Variants in GATA4 observed in about 807,000 individuals in gnomAD.
The protein encoded by GATA4 is GATA binding protein 4.
In GATA4, 7 loss-of-function variants were observed where a neutral mutation model predicts 37.9. That is an observed-to-expected ratio of 0.18 (90% CI 0.11 to 0.35). The LOEUF is 0.35. Among genes scored for constraint, GATA4 ranks in the 10% least tolerant of loss-of-function variants. The pLI, the probability that GATA4 is intolerant of heterozygous loss-of-function variation, is 1.00. For missense variants in GATA4, 647 were observed against 653.0 expected (o/e 0.99, Z 0.10); for synonymous variants, 372 against 292.6 (o/e 1.27, Z -2.77).
chr8:11,730,314 C>G lies in GATA4; in HGVS notation c.617-18602C>G, dbSNP rs192650657. 7.2e-5 allele frequency among the ~76,000 whole-genome samples: 11 copies of G among 152,304 alleles called. No homozygotes were observed. In the East Asian group the frequency reaches 2.1e-3, roughly 29 times the overall value. On this transcript the variant is annotated intron_variant, in intron 2 of 6. Coordinates refer to ENST00000532059, the MANE Select transcript of GATA4 (RefSeq NM_001308093.3). ...TCTCAGAGGAGCCAAGTGGGCTTGC[C>G]TAGGCTTTCGATTCTTGTGAAGATG...
chr8:11,739,767 GGA>G (rs1449816222), intron 2 of GATA4, among the ~76,000 whole-genome samples: 1 of 23,522 alleles, frequency 4.3e-5, no homozygotes, highest in Non-Finnish European at 9.3e-5. Context: ...TGTCGTGTGC[GGA>G]GGAGTTTCTG....
upstream of GATA4, among the ~76,000 whole-genome samples, chr8:11,689,644 T>C (rs1799249315): frequency 6.6e-6 from 1 of 152,178 alleles, no homozygotes; most frequent in Non-Finnish European, 1.5e-5. Flanking sequence ...ACTGCGGTTT[T>C]GAATGTCTAT....
chr8:11,709,607 C>A lies in GATA4; in HGVS notation c.616+679C>A, dbSNP rs1454262344. ...GGGGGCGCACACGCCCGGTCAGTGTCCGGGAACATAGGGACCTCAAACGCG... is the reference window on the plus strand; with the variant it reads ...GGGGGCGCACACGCCCGGTCAGTGTACGGGAACATAGGGACCTCAAACGCG... On this transcript the variant is annotated intron_variant, in intron 2 of 6. Coordinates refer to ENST00000532059, the MANE Select transcript of GATA4 (RefSeq NM_001308093.3). This position sits in a 1 kb window ranked among gnomAD's most constrained non-coding sequence, Gnocchi z 4.3. Among the ~76,000 whole-genome samples, 1 of 149,528 alleles carries A rather than the reference C, an allele frequency of 6.7e-6. No individual in the cohort carries two copies. Among genetic ancestry groups the A allele is most frequent in the Non-Finnish European group, 1.5e-5 (1 of 67,638 alleles).
At chr8:11,745,608 A>G (rs1801992131) in intron 2 of GATA4, among the ~76,000 whole-genome samples, 1 of 151,512 alleles carries the variant, frequency 6.6e-6, no homozygotes, top group African/African-American at 2.4e-5. Context: ...TCTTTACATC[A>G]GTGTAGTGTG....
Position 11,757,079 on chromosome 8 carries a change from C to A in GATA4, c.1145C>A (p.Ser382Tyr), listed in dbSNP as rs778006606. ...CACTACGGGCACAGCAGCTCCGTGT[C>A]CCAGGTACGCGCCATGGCTGGGGCG... ...SSHYGHSSSVSQTFSVSAMSG... is the reference protein window; with the variant it reads ...SSHYGHSSSVYQTFSVSAMSG... The change falls in exon 6 of 7, where the codon TCC (serine) becomes TAC (tyrosine). Residue 382 changes from serine to tyrosine, a missense_variant. Physicochemically the swap from Ser to Tyr is moderately radical, Grantham distance 144. This residue lies in a region of GATA4 where 184 missense variants were observed against 157.1 expected (regional missense o/e 1.17). Transcript: ENST00000532059. The A allele has an allele frequency of 1.9e-6, 3 of 1,613,970 alleles. No individual in the cohort carries two copies. The highest frequency in any genetic ancestry group is 2.5e-6 in the Non-Finnish European group (3 of 1,179,876).
upstream of GATA4, among the ~76,000 whole-genome samples, chr8:11,689,109 A>G (rs1431958963): frequency 1.3e-5 from 2 of 152,192 alleles, no homozygotes; most frequent in Non-Finnish European, 2.9e-5. Flanking sequence ...CCAGACAAGA[A>G]GCTGCAAGAC....
At chr8:11,694,838 C>T (rs531214191) in intron 1 of GATA4, among the ~76,000 whole-genome samples, 1 of 152,106 alleles carries the variant, frequency 6.6e-6, no homozygotes, top group Non-Finnish European at 1.5e-5. Flanking sequence ...AACAATCTCT[C>T]TCCTCTCTCT....
Position 11,698,796 on chromosome 8 carries a change from C to T in GATA4, c.-728-1712C>T, listed in dbSNP as rs549730447. ...TCCCTTCTTCCTGCAGTCCCCAGGACCTGGGGACCCCGGGGTGTCCTTAGG... is the reference window on the plus strand; with the variant it reads ...TCCCTTCTTCCTGCAGTCCCCAGGATCTGGGGACCCCGGGGTGTCCTTAGG... On this transcript the variant is annotated intron_variant, in intron 1 of 2. Transcript: ENST00000526974. Among the ~76,000 whole-genome samples, 4 of 152,260 alleles carry T rather than the reference C, an allele frequency of 2.6e-5. No homozygotes were observed. The South Asian group carries it at 8.3e-4, about 32-fold the overall frequency.
chr8:11,750,036 C>T (rs918360889), intron 3 of GATA4, 75 bp from the exon 4 acceptor site: 20 of 1,608,532 alleles, frequency 1.2e-5, no homozygotes, highest in East Asian at 6.7e-5. Flanking sequence ...GGCCCAGCTC[C>T]GCAGCCACAC....
rs563686743 is a variant in GATA4 at position 11,694,837 on chromosome 8, T to C, written c.-729+2177T>C. On this transcript the variant is annotated intron_variant, in intron 1 of 2. Coordinates refer to the GATA4 transcript ENST00000526974. ...TCTGGGAAGAGGTAGAAACAATCTCTCTCCTCTCTCTCTCTCTGTCTCTCT... is the reference window on the plus strand; with the variant it reads ...TCTGGGAAGAGGTAGAAACAATCTCCCTCCTCTCTCTCTCTCTGTCTCTCT... Among the ~76,000 whole-genome samples, 7 of 152,224 alleles carry C rather than the reference T, an allele frequency of 4.6e-5. No homozygotes were observed. In the East Asian group the frequency reaches 1.4e-3, roughly 29 times the overall value.
chr8:11,681,336 C>G (rs535111788), intron 1 of GATA4: 1 of 985,420 alleles, frequency 1.0e-6, no homozygotes, highest in Non-Finnish European at 1.2e-6. Flanking sequence ...TGCGCCCCAA[C>G]CCATCAAATT....
intron 2 of GATA4, among the ~76,000 whole-genome samples, chr8:11,722,607 A>G (rs905466037): frequency 5.9e-5 from 9 of 152,174 alleles, no homozygotes; most frequent in African/African-American, 2.2e-4. Context: ...TCTGTTTGCT[A>G]AAGAAATGAG....
At chr8:11,734,587 G>C (rs1050389096) in intron 2 of GATA4, among the ~76,000 whole-genome samples, 2 of 152,100 alleles carry the variant, frequency 1.3e-5, no homozygotes, top group African/African-American at 4.8e-5. Flanking sequence ...CCTGGGTTCA[G>C]GCAATTCTCC....
chr8:11,750,067 A>C (rs776394753), intron 3 of GATA4, 44 bp from the exon 4 acceptor site: 2 of 1,613,660 alleles, frequency 1.2e-6, no homozygotes, highest in Non-Finnish European at 1.7e-6. Flanking sequence ...AGGGCAGTGC[A>C]CACCTTTTAC....
At chr8:11,680,346 C>A (rs985457960) in intron 1 of GATA4, among the ~76,000 whole-genome samples, 1 of 152,242 alleles carries the variant, frequency 6.6e-6, no homozygotes, top group South Asian at 2.1e-4. Flanking sequence ...GCCCTGGAGC[C>A]GGGGAATCTC....
chr8:11,714,275 A>T (rs926189311), intron 2 of GATA4, among the ~76,000 whole-genome samples: 1 of 152,260 alleles, frequency 6.6e-6, no homozygotes, highest in Admixed American at 6.5e-5. Flanking sequence ...CATGTACAGT[A>T]TATCACTGTG....
chr8:11,692,047 C>A (rs142738155), upstream of GATA4: 1 of 985,214 alleles, frequency 1.0e-6, no homozygotes, highest in African/African-American at 1.7e-5. Context: ...ACCTTAGTGT[C>A]ACCAACAGAG....
In GATA4 at chr8:11,681,825, G is replaced by A. The variant is rs192949099; in HGVS notation, c.-274+4762G>A. ...GTCTTCTTTCCCGCTGTTCTTGGCC[G>A]TGGGCAGACCCGGCTGATGTAAGGA... On this transcript the variant is annotated intron_variant, in intron 1 of 6. Transcript: ENST00000528712. Among the ~76,000 whole-genome samples, 12 of 152,054 alleles carry A rather than the reference G, an allele frequency of 7.9e-5. No homozygotes were observed. The East Asian group carries it at 2.3e-3, about 29-fold the overall frequency.
At chr8:11,755,506 G>A (rs1405808551) in intron 5 of GATA4, among the ~76,000 whole-genome samples, 3 of 152,190 alleles carry the variant, frequency 2.0e-5, no homozygotes, top group Non-Finnish European at 4.4e-5. Flanking sequence ...GGCTAACGGG[G>A]ATCCAGGAGG....
Sources: allele counts gnomAD v4.1 joint callset (sites outside exome capture counted in the v4.1 genomes callset), GRCh38; gene constraint gnomAD v4.1.1; regional missense constraint gnomAD v4.1.1; non-coding constraint Gnocchi (gnomAD v3.1); transcripts MANE v1.5; gene names NCBI Gene and HGNC (gene_info 2026-07-23, HGNC 2026-07-21).